The following ERC2 variants were observed in gnomAD, a reference collection of about 807,000 sequenced individuals.
The protein encoded by ERC2 is ERC protein 2.
In ERC2, 42 loss-of-function variants were observed where a neutral mutation model predicts 114.8. The observed-to-expected ratio is 0.37, with a 90% CI of 0.29 to 0.47. The LOEUF is 0.47. Among genes scored for constraint, ERC2 ranks in the 20% least tolerant of loss-of-function variants. ERC2 has a pLI of 0.99. For synonymous variants in ERC2, 454 were observed against 425.5 expected (o/e 1.07, Z -0.82); for missense variants, 939 against 1,150.7 (o/e 0.82, Z 2.66).
chr3:56,325,930 G>A lies in ERC2; in HGVS notation c.658-29495C>T, dbSNP rs1389715738. ...CTTCCAGGTAGGAAACAGAATGAAT[G>A]AATGACTGGATAATGAACTAGAGAT... On this transcript the variant is annotated intron_variant, in intron 2 of 17. Transcript: ENST00000288221. 3.3e-5 allele frequency among the ~76,000 whole-genome samples: 5 copies of A among 152,218 alleles called. No homozygotes were observed. The East Asian group carries it at 9.6e-4, about 29-fold the overall frequency.
chr3:55,981,435 C>T (rs2070128718), intron 12 of ERC2, among the ~76,000 whole-genome samples: 1 of 152,158 alleles, frequency 6.6e-6, no homozygotes, highest in African/African-American at 2.4e-5. Flanking sequence ...ATAACTGATA[C>T]AAATTATTTT....
At chr3:56,184,077 ATG>A (rs1460591100) in intron 3 of ERC2, among the ~76,000 whole-genome samples, 1 of 152,156 alleles carries the variant, frequency 6.6e-6, no homozygotes, top group African/African-American at 2.4e-5. Flanking sequence ...ATCTCTGTGC[ATG>A]TACATTTTTC....
chr3:55,639,638 A>T (rs1191131261), intron 17 of ERC2, among the ~76,000 whole-genome samples: 1 of 152,194 alleles, frequency 6.6e-6, no homozygotes, highest in Non-Finnish European at 1.5e-5. Flanking sequence ...GTCAGTCAGG[A>T]AAGATTTCCT....
intron 16 of ERC2, among the ~76,000 whole-genome samples, chr3:55,696,947 C>T (rs150615475): frequency 1.3e-5 from 2 of 152,304 alleles, no homozygotes; most frequent in Non-Finnish European, 2.9e-5. Context: ...ACAAAAATAT[C>T]CTTGTGGTCA....
intron 17 of ERC2, among the ~76,000 whole-genome samples, chr3:55,606,343 G>A (rs532360076): frequency 3.9e-5 from 6 of 152,284 alleles, no homozygotes; most frequent in African/African-American, 1.2e-4. Flanking sequence ...GGTCTAAGAA[G>A]TCAACTGGGC....
At chr3:56,233,620 CAAA>C (rs79004022) in intron 3 of ERC2, among the ~76,000 whole-genome samples, 2 of 111,752 alleles carry the variant, frequency 1.8e-5, no homozygotes, top group African/African-American at 3.4e-5. Context: ...TCTCAACAAC[CAAA>C]AAAAAAAAAA....
intron 17 of ERC2, among the ~76,000 whole-genome samples, chr3:55,565,453 C>G (rs948233378): frequency 4.6e-5 from 7 of 152,070 alleles, no homozygotes; most frequent in Admixed American, 6.6e-5. Context: ...CAGAGTGTCC[C>G]CTTTCTGCCC....
At chr3:55,537,333 C>A (rs540339255) in intron 17 of ERC2, among the ~76,000 whole-genome samples, 41 of 152,322 alleles carry the variant, frequency 2.7e-4, no homozygotes, top group African/African-American at 7.9e-4. Flanking sequence ...GTTTCCCCCC[C>A]TGAAGTGACA....
chr3:56,277,846 T>A (rs1278455423), intron 3 of ERC2, among the ~76,000 whole-genome samples: 10 of 151,774 alleles, frequency 6.6e-5, no homozygotes, highest in Non-Finnish European at 1.2e-4. Context: ...GATTGCCCCT[T>A]GGGAAGCCCT....
chr3:55,605,488 C>T (rs1247246956), intron 17 of ERC2, among the ~76,000 whole-genome samples: 2 of 152,144 alleles, frequency 1.3e-5, no homozygotes, highest in African/African-American at 4.8e-5. Context: ...AAGAATTATT[C>T]TTTTCAATCT....
chr3:56,221,888 C>G (rs754251460), intron 3 of ERC2, among the ~76,000 whole-genome samples: 5 of 151,796 alleles, frequency 3.3e-5, no homozygotes, highest in Admixed American at 6.6e-5. Flanking sequence ...CAGAGCAAGA[C>G]TCCGTCTCAA....
At chr3:55,738,460 A>G (rs2065777425) in intron 14 of ERC2, among the ~76,000 whole-genome samples, 1 of 152,196 alleles carries the variant, frequency 6.6e-6, no homozygotes, top group Non-Finnish European at 1.5e-5. Flanking sequence ...AACAGCAGGT[A>G]CATGGTTCAA....
At chr3:55,565,826 G>T (rs2056331936) in intron 17 of ERC2, among the ~76,000 whole-genome samples, 1 of 152,122 alleles carries the variant, frequency 6.6e-6, no homozygotes, top group South Asian at 2.1e-4. Context: ...TGAACTGCAG[G>T]CTGCCCTGAG....
chr3:56,375,895 C>G (rs1279706884), intron 2 of ERC2, among the ~76,000 whole-genome samples: 1 of 152,218 alleles, frequency 6.6e-6, no homozygotes, highest in Non-Finnish European at 1.5e-5. Context: ...AGCTGTTGCA[C>G]TGTAAACTGC....
chr3:56,172,010 C>T (rs2082703828), intron 4 of ERC2, among the ~76,000 whole-genome samples: 1 of 146,530 alleles, frequency 6.8e-6, no homozygotes, highest in African/African-American at 2.5e-5. Context: ...GTCTTTTGTC[C>T]TTTTGTCTTT....
chr3:55,539,389 T>TTC (rs1328654934), intron 17 of ERC2, among the ~76,000 whole-genome samples: 9 of 148,644 alleles, frequency 6.1e-5, no homozygotes, highest in African/African-American at 1.9e-4. Context: ...TCTTTTTTCT[T>TTC]TCTCTCTCTC....
At chr3:55,848,553 G>T (rs59046040) in intron 14 of ERC2, among the ~76,000 whole-genome samples, 169 of 152,234 alleles carry the variant, frequency 1.1e-3, no homozygotes, top group African/African-American at 3.9e-3. Flanking sequence ...CACCTCCGCC[G>T]TCATCTCCCC....
intron 3 of ERC2, among the ~76,000 whole-genome samples, chr3:56,255,932 A>G (rs545818276): frequency 4.6e-4 from 70 of 152,330 alleles, no homozygotes; most frequent in African/African-American, 1.6e-3. Context: ...TGAAAGCTGC[A>G]TTTGACAAGA....
intron 2 of ERC2, among the ~76,000 whole-genome samples, chr3:56,397,893 C>T (rs1240408378): frequency 1.3e-5 from 2 of 152,214 alleles, no homozygotes; most frequent in African/African-American, 4.8e-5. Context: ...CAACTCCCTC[C>T]CAGTGTCCAC....
Sources: gnomAD v4.1 joint callset for allele counts (sites outside exome capture counted in the v4.1 genomes callset) on GRCh38, gnomAD v4.1.1 for gene constraint, MANE v1.5 for transcripts, NCBI Gene and HGNC (gene_info 2026-07-23, HGNC 2026-07-21) for gene names.